The following KANSL1 variants were observed in gnomAD, a reference collection of about 807,000 sequenced individuals.
The protein encoded by KANSL1 is MLL1/MLL complex subunit KANSL1.
In KANSL1, 22 loss-of-function variants were observed where a neutral mutation model predicts 103.6. That is an observed-to-expected ratio of 0.21 (90% CI 0.15 to 0.30). KANSL1 has a LOEUF of 0.30. KANSL1 is among the 10% of genes least tolerant of loss of function. The pLI is 1.00. For synonymous variants in KANSL1, 600 were observed against 527.6 expected (o/e 1.14, Z -1.88); for missense variants, 1,337 against 1,399.8 (o/e 0.96, Z 0.72).
chr17:46,059,770 A>G (rs2078092360), intron 6 of KANSL1, among the ~76,000 whole-genome samples: 2 of 152,022 alleles, frequency 1.3e-5, no homozygotes, highest in Admixed American at 1.3e-4. Context: ...ACTGGAGTGC[A>G]GTAGCTTGAT....
chr17:46,125,945 C>T (rs62063171), intron 2 of KANSL1, among the ~76,000 whole-genome samples: 21,668 of 151,942 alleles, frequency 0.14, 2,120 homozygotes, highest in Non-Finnish European at 0.22. Flanking sequence ...TTTATATGAA[C>T]TCAATAAAGC....
chr17:46,145,355 A>C (rs912134191), intron 2 of KANSL1, among the ~76,000 whole-genome samples: 6 of 152,252 alleles, frequency 3.9e-5, no homozygotes, highest in African/African-American at 1.4e-4. Flanking sequence ...TGGAAGACAA[A>C]TCTACTGATT....
chr17:46,180,484 G>A (rs2046736142), intron 1 of KANSL1, among the ~76,000 whole-genome samples: 1 of 152,140 alleles, frequency 6.6e-6, no homozygotes, highest in East Asian at 1.9e-4. Context: ...GGTGACAAAA[G>A]TGAGACTCCA....
intron 1 of KANSL1, among the ~76,000 whole-genome samples, chr17:46,220,695 G>T (rs2048504399): frequency 6.6e-6 from 1 of 152,232 alleles, no homozygotes. Context: ...TTGTGTTGTT[G>T]CTGTTGTTTG....
At chr17:46,185,292 G>A (rs950661793) in intron 1 of KANSL1, among the ~76,000 whole-genome samples, 2 of 152,198 alleles carry the variant, frequency 1.3e-5, no homozygotes, top group African/African-American at 4.8e-5. Context: ...GGGGATGTCT[G>A]AAGTGATCAA....
At chr17:46,208,582 A>C (rs2148011014) in intron 1 of KANSL1, among the ~76,000 whole-genome samples, 1 of 147,592 alleles carries the variant, frequency 6.8e-6, no homozygotes, top group East Asian at 2.1e-4. Flanking sequence ...GTGCCACTGC[A>C]CTCTAGCCTG....
chr17:46,208,990 G>C (rs2048071792), intron 1 of KANSL1, among the ~76,000 whole-genome samples: 1 of 152,138 alleles, frequency 6.6e-6, no homozygotes. Flanking sequence ...GGCCAACATG[G>C]TGAAATCCTA....
At chr17:46,156,841 C>T (rs895932482) in intron 2 of KANSL1, 1 of 150,636 alleles carries the variant, frequency 6.6e-6, no homozygotes, top group African/African-American at 2.5e-5. Context: ...GGAGGTTGCA[C>T]TGAGCTGAGA....
intron 6 of KANSL1, 103 bp from the exon 7 acceptor site, chr17:46,050,807 T>C: frequency 2.0e-6 from 2 of 977,966 alleles, no homozygotes; most frequent in South Asian, 3.3e-5. Context: ...TCCCCATTTG[T>C]TATTGCGAAG....
intron 3 of KANSL1, 25 bp downstream of exon 3, chr17:46,094,535 A>G (rs1367814129): frequency 6.3e-7 from 1 of 1,596,914 alleles, no homozygotes; most frequent in South Asian, 1.1e-5. Flanking sequence ...GCAGCATTTA[A>G]AAACATCAGA....
intron 3 of KANSL1, among the ~76,000 whole-genome samples, chr17:46,089,211 A>G (rs1365742229): frequency 6.6e-6 from 1 of 152,182 alleles, no homozygotes; most frequent in Non-Finnish European, 1.5e-5. Flanking sequence ...TATGAAAATT[A>G]AAAGAGTACA....
chr17:46,110,077 C>T (rs2042736990), intron 2 of KANSL1, among the ~76,000 whole-genome samples: 1 of 152,132 alleles, frequency 6.6e-6, no homozygotes, highest in African/African-American at 2.4e-5. Context: ...GAACAAGTGA[C>T]CACAGTAACT....
At chr17:46,167,003 G>A (rs1172009375) in intron 2 of KANSL1, among the ~76,000 whole-genome samples, 10 of 150,064 alleles carry the variant, frequency 6.7e-5, no homozygotes, top group Admixed American at 6.6e-4. Flanking sequence ...AGTAACGGTT[G>A]GGAGAAAAAA....
chr17:46,137,234 C>A (rs2044193067), intron 2 of KANSL1, among the ~76,000 whole-genome samples: 1 of 152,224 alleles, frequency 6.6e-6, no homozygotes, highest in African/African-American at 2.4e-5. Flanking sequence ...ATTCTCTATT[C>A]ATCCTCATTC....
chr17:46,098,169 C>A (rs979162914), intron 2 of KANSL1, among the ~76,000 whole-genome samples: 2 of 149,864 alleles, frequency 1.3e-5, no homozygotes, highest in African/African-American at 5.1e-5. Flanking sequence ...ACAAAAATGC[C>A]CCCTACCCAC....
chr17:46,150,065 CAAAA>C (rs61494872), intron 2 of KANSL1, among the ~76,000 whole-genome samples: 9 of 107,688 alleles, frequency 8.4e-5, no homozygotes, highest in African/African-American at 3.1e-4. Context: ...CTTTCCTTAC[CAAAA>C]AAAAAAAAAA....
At chr17:46,038,358 G>A in intron 10 of KANSL1, 180 bp downstream of exon 10, 1 of 638,490 alleles carries the variant, frequency 1.6e-6, no homozygotes, top group Non-Finnish European at 2.6e-6. Flanking sequence ...AACAACAGAA[G>A]GTCAAGTACC....
At chr17:46,040,762 A>C (rs915652357) in intron 7 of KANSL1, 2 of 152,264 alleles carry the variant, frequency 1.3e-5, no homozygotes, top group Non-Finnish European at 2.9e-5. Flanking sequence ...TTCCACCACC[A>C]ATACTGAATC....
At chr17:46,210,771 G>C (rs1048557720) in intron 1 of KANSL1, among the ~76,000 whole-genome samples, 17 of 152,236 alleles carry the variant, frequency 1.1e-4, no homozygotes, top group African/African-American at 3.9e-4. Context: ...TGATGGAAAG[G>C]GTTTCTAAAT....
Sources: gnomAD v4.1 joint callset for allele counts (sites outside exome capture counted in the v4.1 genomes callset) on GRCh38, gnomAD v4.1.1 for gene constraint, MANE v1.5 for transcripts, NCBI Gene and HGNC (gene_info 2026-07-23, HGNC 2026-07-21) for gene names.